NRP1: variants seen among roughly 807,000 people sequenced by gnomAD.
NRP1 encodes neuropilin 1, also known as neuropilin-1.
NRP1 carries 35 observed loss-of-function variants against 106.7 expected under a neutral mutation model. That is an observed-to-expected ratio of 0.33 (90% CI 0.25 to 0.43). The LOEUF is 0.43. NRP1 is among the 20% of genes least tolerant of loss of function. The pLI is 1.00. For synonymous variants in NRP1, 437 were observed against 417.9 expected (o/e 1.05, Z -0.56); for missense variants, 1,024 against 1,170.4 (o/e 0.87, Z 1.83).
At chr10:33,332,223 G>C (rs766191617) in intron 1 of NRP1, among the ~76,000 whole-genome samples, 116 of 152,306 alleles carry the variant, frequency 7.6e-4, no homozygotes, top group Middle Eastern at 3.4e-3. Context: ...ACTGGGGGTA[G>C]TCTTATGCTG....
chr10:33,273,328 G>C (rs541268646), intron 2 of NRP1, among the ~76,000 whole-genome samples: 2 of 152,334 alleles, frequency 1.3e-5, no homozygotes, highest in African/African-American at 4.8e-5. Flanking sequence ...CGCACAAGTT[G>C]CAGAGGGGAG....
chr10:33,250,680 T>C (rs577262307), intron 6 of NRP1, among the ~76,000 whole-genome samples: 1 of 152,296 alleles, frequency 6.6e-6, no homozygotes, highest in South Asian at 2.1e-4. Flanking sequence ...TGACCTTGAG[T>C]GTTTACTCGT....
At chr10:33,266,375 G>T (rs1007340874) in intron 3 of NRP1, among the ~76,000 whole-genome samples, 1 of 152,172 alleles carries the variant, frequency 6.6e-6, no homozygotes, top group South Asian at 2.1e-4. Context: ...CTCACCCGCT[G>T]TGTAAACTTG....
At chr10:33,254,867 G>A (rs1445199910) in intron 5 of NRP1, among the ~76,000 whole-genome samples, 1 of 152,224 alleles carries the variant, frequency 6.6e-6, no homozygotes, top group African/African-American at 2.4e-5. Flanking sequence ...GTGAGCATAA[G>A]AATGATTGCT....
At chr10:33,216,221 T>C (rs1452808062) in intron 8 of NRP1, among the ~76,000 whole-genome samples, 1 of 150,044 alleles carries the variant, frequency 6.7e-6, no homozygotes, top group Non-Finnish European at 1.5e-5. Context: ...CACTGCAAGC[T>C]CCACCTCCCG....
chr10:33,288,748 G>T (rs934838014), intron 2 of NRP1: 3 of 152,076 alleles, frequency 2.0e-5, no homozygotes, highest in Non-Finnish European at 2.9e-5. Context: ...CCCACCCAAG[G>T]TTCATTTATT....
chr10:33,317,824 C>G (rs1847147631), intron 2 of NRP1, among the ~76,000 whole-genome samples: 1 of 152,214 alleles, frequency 6.6e-6, no homozygotes, highest in Admixed American at 6.5e-5. Flanking sequence ...ACAAACTTAA[C>G]TGGTCAACTT....
intron 2 of NRP1, among the ~76,000 whole-genome samples, chr10:33,320,004 C>T (rs557308968): frequency 2.0e-5 from 3 of 147,996 alleles, no homozygotes; most frequent in East Asian, 4.4e-4. Flanking sequence ...AGGGGGCGCG[C>T]GGGGCATGCG....
chr10:33,215,912 T>G (rs1032112319), intron 8 of NRP1, among the ~76,000 whole-genome samples: 1 of 152,212 alleles, frequency 6.6e-6, no homozygotes, highest in Admixed American at 6.5e-5. Context: ...CCAATTGGCA[T>G]GAAGAACTTC....
chr10:33,308,887 T>C (rs1268635758), intron 2 of NRP1, among the ~76,000 whole-genome samples: 2 of 152,212 alleles, frequency 1.3e-5, no homozygotes, highest in Admixed American at 1.3e-4. Flanking sequence ...TCAGATAATT[T>C]TGTGCTCAAG....
intron 4 of NRP1, among the ~76,000 whole-genome samples, chr10:33,260,624 T>C (rs1391135155): frequency 6.6e-6 from 1 of 152,192 alleles, no homozygotes; most frequent in Non-Finnish European, 1.5e-5. Context: ...CTTTTGGTCT[T>C]AGCCCATATG....
At chr10:33,305,076 G>A (rs1275429239) in intron 2 of NRP1, among the ~76,000 whole-genome samples, 4 of 152,220 alleles carry the variant, frequency 2.6e-5, no homozygotes, top group Non-Finnish European at 5.9e-5. Context: ...CTACTCCATA[G>A]CACATGGGGA....
At chr10:33,230,226 T>C (rs1020662269) in intron 6 of NRP1, among the ~76,000 whole-genome samples, 1 of 152,182 alleles carries the variant, frequency 6.6e-6, no homozygotes, top group Non-Finnish European at 1.5e-5. Flanking sequence ...GGGAGACAGA[T>C]AAAGTCCTGC....
chr10:33,312,612 G>A (rs149650062), intron 2 of NRP1, among the ~76,000 whole-genome samples: 62 of 152,300 alleles, frequency 4.1e-4, no homozygotes, highest in African/African-American at 1.4e-3. Flanking sequence ...ACAACAAAGT[G>A]CCATCTTATC....
chr10:33,191,760 C>A (rs1222473238), intron 13 of NRP1, among the ~76,000 whole-genome samples: 4 of 151,976 alleles, frequency 2.6e-5, no homozygotes, highest in Non-Finnish European at 5.9e-5. Flanking sequence ...GGGTGGATCA[C>A]AAGGTCAGGA....
intron 8 of NRP1, among the ~76,000 whole-genome samples, chr10:33,221,321 G>A (rs1839224767): frequency 6.6e-6 from 1 of 152,176 alleles, no homozygotes; most frequent in Admixed American, 6.5e-5. Context: ...AGAGATGAAC[G>A]GCATGATACT....
At chr10:33,221,977 G>A in intron 7 of NRP1, 114 bp from the exon 8 acceptor site, 1 of 1,131,532 alleles carries the variant, frequency 8.8e-7, no homozygotes. Flanking sequence ...TGTCGATCAA[G>A]GATGAGATGG....
intron 2 of NRP1, among the ~76,000 whole-genome samples, chr10:33,272,949 C>A (rs921372819): frequency 1.3e-5 from 2 of 151,996 alleles, no homozygotes; most frequent in African/African-American, 4.8e-5. Context: ...TCTCAGGTAG[C>A]AGAGAACTCA....
rs180735445 is a variant in NRP1 at position 33,320,617 on chromosome 10, A to T, written c.248+10091T>A. ...CTCTCTCTTTGCTGAATTTTTGCTG[A>T]TCTCTTCTCCATATGACCTACTGTG... On this transcript the variant is annotated intron_variant, in intron 2 of 16. Transcript: ENST00000374867. 1.9e-4 allele frequency among the ~76,000 whole-genome samples: 29 copies of T among 152,268 alleles called. 1 individual carries two copies. In the South Asian group the frequency reaches 2.3e-3, roughly 12 times the overall value.
Sources: allele counts gnomAD v4.1 joint callset (sites outside exome capture counted in the v4.1 genomes callset), GRCh38; gene constraint gnomAD v4.1.1; transcripts MANE v1.5; gene names NCBI Gene and HGNC (gene_info 2026-07-23, HGNC 2026-07-21).